Variants in HS3ST4 observed in about 807,000 individuals in gnomAD.
HS3ST4 encodes heparan sulfate-glucosamine 3-sulfotransferase 4.
In HS3ST4, 17 loss-of-function variants were observed where a neutral mutation model predicts 29.2. The ratio of observed to expected loss-of-function variants is 0.58; its 90% CI spans 0.40 to 0.87. The LOEUF is 0.87. Ranked by LOEUF, HS3ST4 falls within the 40% of genes least tolerant of loss-of-function variation. The pLI, the probability that HS3ST4 is intolerant of heterozygous loss-of-function variation, is 0.00. For missense variants in HS3ST4, 627 were observed against 634.5 expected, an observed-to-expected ratio of 0.99 and a Z score of 0.13; for synonymous variants, 314 against 285.7, an observed-to-expected ratio of 1.10 and a Z score of -1.00.
chr16:26,012,123 G>T (rs1969316367), intron 1 of HS3ST4, among the ~76,000 whole-genome samples: 1 of 152,172 alleles, frequency 6.6e-6, no homozygotes, highest in Admixed American at 6.5e-5. Context: ...ACAGGGCCCT[G>T]TGCCTCAGTA....
At chr16:26,116,308 G>A (rs1386558198) in intron 1 of HS3ST4, among the ~76,000 whole-genome samples, 1 of 152,182 alleles carries the variant, frequency 6.6e-6, no homozygotes, top group African/African-American at 2.4e-5. Flanking sequence ...GCTAGCAAAT[G>A]GAAGTTACAA....
intron 1 of HS3ST4, among the ~76,000 whole-genome samples, chr16:25,999,823 TA>T (rs1969192164): frequency 8.6e-6 from 1 of 116,860 alleles, no homozygotes. Flanking sequence ...TTTATATATA[TA>T]TTTATATATT....
chr16:25,736,342 T>C (rs1038471031), intron 1 of HS3ST4, among the ~76,000 whole-genome samples: 6 of 152,208 alleles, frequency 3.9e-5, no homozygotes, highest in African/African-American at 1.4e-4. Context: ...AACCTTGCCA[T>C]ATGAAGTCAC....
intron 1 of HS3ST4, among the ~76,000 whole-genome samples, chr16:25,918,942 T>C (rs1271187428): frequency 1.3e-5 from 2 of 152,232 alleles, no homozygotes; most frequent in Non-Finnish European, 2.9e-5. Context: ...ACTGTCACCC[T>C]GTGGGAATAG....
intron 1 of HS3ST4, among the ~76,000 whole-genome samples, chr16:25,771,447 T>A (rs1966841864): frequency 6.6e-6 from 1 of 152,010 alleles, no homozygotes; most frequent in South Asian, 2.1e-4. Flanking sequence ...GCTAAGTGAT[T>A]TCCTACCCCA....
At chr16:25,980,362 A>G (rs1301772340) in intron 1 of HS3ST4, among the ~76,000 whole-genome samples, 1 of 152,092 alleles carries the variant, frequency 6.6e-6, no homozygotes, top group Non-Finnish European at 1.5e-5. Flanking sequence ...CTCACTGTGG[A>G]TGTCATTTCA....
At chr16:25,851,876 G>A (rs934953274) in intron 1 of HS3ST4, among the ~76,000 whole-genome samples, 32 of 152,256 alleles carry the variant, frequency 2.1e-4, no homozygotes, top group African/African-American at 5.3e-4. Context: ...CGACACTTTC[G>A]AAGTTATTAA....
At chr16:25,868,086 A>G (rs1967714161) in intron 1 of HS3ST4, among the ~76,000 whole-genome samples, 1 of 152,126 alleles carries the variant, frequency 6.6e-6, no homozygotes, top group South Asian at 2.1e-4. Context: ...TGCACGTCAG[A>G]CGCACATGTG....
intron 1 of HS3ST4, among the ~76,000 whole-genome samples, chr16:25,705,918 T>C (rs950294496): frequency 3.9e-5 from 6 of 152,324 alleles, no homozygotes; most frequent in Admixed American, 6.5e-5. Flanking sequence ...TTAGTTGTTA[T>C]TAATCCATGC....
At chr16:25,899,220 C>T (rs1239143339) in intron 1 of HS3ST4, among the ~76,000 whole-genome samples, 1 of 152,196 alleles carries the variant, frequency 6.6e-6, no homozygotes, top group Admixed American at 6.5e-5. Flanking sequence ...AAGTCTTCCT[C>T]AAACCCCAAA....
At chr16:25,852,830 A>G (rs913517714) in intron 1 of HS3ST4, among the ~76,000 whole-genome samples, 4 of 152,176 alleles carry the variant, frequency 2.6e-5, no homozygotes, top group African/African-American at 9.7e-5. Context: ...TTCTTTAATC[A>G]TTTTGAATTT....
intron 1 of HS3ST4, among the ~76,000 whole-genome samples, chr16:25,958,489 C>T (rs1322037170): frequency 6.6e-6 from 1 of 152,064 alleles, no homozygotes; most frequent in East Asian, 1.9e-4. Context: ...CACCACCACA[C>T]CCGGCTAATT....
intron 1 of HS3ST4, among the ~76,000 whole-genome samples, chr16:26,056,041 AG>A (rs1898403723): frequency 3.3e-3 from 1 of 306 alleles, no homozygotes; most frequent in Non-Finnish European, 0.062. Flanking sequence ...AGAGAGAGAC[AG>A]AGAGAGAGAG....
chr16:25,768,547 G>C lies in HS3ST4; in HGVS notation c.734+75396G>C, dbSNP rs113966054. ...GAACTTGGCTTAGGGATGTAGATTGGACATTTTGCAGACCGCATGTGGAGT... is the reference window on the plus strand; with the variant it reads ...GAACTTGGCTTAGGGATGTAGATTGCACATTTTGCAGACCGCATGTGGAGT... On this transcript the variant is annotated intron_variant, in intron 1 of 1. Transcript: ENST00000331351. Among the ~76,000 whole-genome samples, 711 of 152,278 alleles carry C rather than the reference G, an allele frequency of 4.7e-3. 9 individuals are homozygous for C. The highest frequency in any genetic ancestry group is 0.016 in the African/African-American group (681 of 41,556).
chr16:25,764,033 G>A (rs1175465075), intron 1 of HS3ST4, among the ~76,000 whole-genome samples: 1 of 152,170 alleles, frequency 6.6e-6, no homozygotes, highest in Non-Finnish European at 1.5e-5. Flanking sequence ...AGGTTCTAAC[G>A]GAGCTGATGA....
intron 1 of HS3ST4, among the ~76,000 whole-genome samples, chr16:26,049,594 C>T (rs2141764445): frequency 6.6e-6 from 1 of 151,996 alleles, no homozygotes; most frequent in African/African-American, 2.4e-5. Context: ...GTGGATTTTC[C>T]CCCACACACC....
intron 1 of HS3ST4, among the ~76,000 whole-genome samples, chr16:26,085,328 A>G (rs1898773909): frequency 6.6e-6 from 1 of 152,210 alleles, no homozygotes; most frequent in Non-Finnish European, 1.5e-5. Context: ...TTCAAGAAAT[A>G]TTTATCAAGT....
intron 1 of HS3ST4, among the ~76,000 whole-genome samples, chr16:26,030,494 A>G (rs1387838738): frequency 1.3e-5 from 2 of 152,258 alleles, no homozygotes; most frequent in Non-Finnish European, 2.9e-5. Context: ...ACCTGAAGCC[A>G]TGGCTGGTGC....
intron 1 of HS3ST4, among the ~76,000 whole-genome samples, chr16:25,897,823 T>C (rs887204712): frequency 6.6e-6 from 1 of 152,160 alleles, no homozygotes; most frequent in African/African-American, 2.4e-5. Context: ...TTTCAAATCT[T>C]TTTTTAGTTT....
Sources: allele counts gnomAD v4.1 joint callset (sites outside exome capture counted in the v4.1 genomes callset), GRCh38; gene constraint gnomAD v4.1.1; transcripts MANE v1.5; gene names NCBI Gene and HGNC (gene_info 2026-07-23, HGNC 2026-07-21).